Variants in CACNA1D observed in about 807,000 individuals in gnomAD.
CACNA1D encodes the protein voltage-dependent L-type calcium channel subunit alpha-1D.
A neutral mutation model predicts 257.1 loss-of-function variants in CACNA1D; 55 were observed. That is an observed-to-expected ratio of 0.21 (90% CI 0.17 to 0.27). The LOEUF is 0.27. CACNA1D is among the 10% of genes least tolerant of loss of function. The probability of loss-of-function intolerance (pLI) is 1.00; values close to 1 mark genes in which losing one functional copy is unlikely to be tolerated. For missense variants in CACNA1D, 1,876 were observed against 2,784.0 expected (o/e 0.67, Z 7.34); for synonymous variants, 980 against 1,014.9 (o/e 0.97, Z 0.65).
intron 3 of CACNA1D, among the ~76,000 whole-genome samples, chr3:53,552,882 C>T (rs764476090): frequency 2.0e-5 from 3 of 152,214 alleles, no homozygotes; most frequent in Non-Finnish European, 4.4e-5. Flanking sequence ...AGGTCAGGAA[C>T]TACATTTTAT....
intron 29 of CACNA1D, among the ~76,000 whole-genome samples, chr3:53,756,621 T>C (rs1021739512): frequency 1.3e-5 from 2 of 152,246 alleles, no homozygotes; most frequent in African/African-American, 2.4e-5. Context: ...TAGACCTCTG[T>C]AGGGTTTTCA....
intron 3 of CACNA1D, among the ~76,000 whole-genome samples, chr3:53,630,457 C>T (rs1201890236): frequency 2.6e-5 from 4 of 152,228 alleles, no homozygotes; most frequent in Non-Finnish European, 4.4e-5. Context: ...CTTTCTTTTG[C>T]ACTCGTATCT....
chr3:53,532,928 C>T (rs1004015400), intron 3 of CACNA1D, among the ~76,000 whole-genome samples: 2 of 152,180 alleles, frequency 1.3e-5, no homozygotes, highest in African/African-American at 4.8e-5. Context: ...CCTGACTGAA[C>T]ATGCCTAGGG....
chr3:53,568,364 A>G (rs940371554), intron 3 of CACNA1D, among the ~76,000 whole-genome samples: 2 of 152,162 alleles, frequency 1.3e-5, no homozygotes, highest in African/African-American at 4.8e-5. Flanking sequence ...GTGATTTCAT[A>G]TATTTTCCTC....
At chr3:53,722,289 G>T (rs770853476) in intron 11 of CACNA1D, 25 bp from the exon 12 acceptor site, 9 of 1,613,296 alleles carry the variant, frequency 5.6e-6, no homozygotes, top group Non-Finnish European at 7.6e-6. Context: ...TGTCATCTAC[G>T]TAGTAATGTT....
intron 8 of CACNA1D, among the ~76,000 whole-genome samples, chr3:53,697,283 T>TCC (rs1010254229): frequency 2.0e-5 from 3 of 152,312 alleles, no homozygotes; most frequent in Admixed American, 1.3e-4. Flanking sequence ...GGGCTTTCTG[T>TCC]CCTATAGGGA....
intron 3 of CACNA1D, among the ~76,000 whole-genome samples, chr3:53,508,778 A>C (rs151062572): frequency 1.1e-3 from 173 of 152,358 alleles, no homozygotes; most frequent in African/African-American, 4.1e-3. Flanking sequence ...CTTGGGTGTT[A>C]AATACCAGTG....
intron 3 of CACNA1D, among the ~76,000 whole-genome samples, chr3:53,538,956 A>G (rs971444665): frequency 3.3e-5 from 5 of 152,082 alleles, no homozygotes; most frequent in Non-Finnish European, 7.4e-5. Context: ...GTCTTCTCCC[A>G]CTTCCCTCAG....
intron 8 of CACNA1D, among the ~76,000 whole-genome samples, chr3:53,694,379 C>G (rs1386367421): frequency 1.3e-5 from 2 of 152,148 alleles, no homozygotes; most frequent in African/African-American, 4.8e-5. Flanking sequence ...AGTTGGGGCT[C>G]TTGGGGAAAA....
At position 53,719,873 on chromosome 3, in the gene CACNA1D, A is replaced by T. The variant is rs926539747; in HGVS notation, c.1505+92A>T. On this transcript the variant is annotated intron_variant, in intron 11 of 47. Transcript: ENST00000350061. ...TTTACGTAGTATTGCTCTGGACTTG[A>T]GTTTTCCTCTGTGGATTATAACATT... 4 of 1,157,854 alleles carry T rather than the reference A, an allele frequency of 3.5e-6. No homozygotes were observed. The African/African-American group carries it at 6.1e-5, about 18-fold the overall frequency. The allele number at this position is 1,157,854 out of a possible 1,614,324, so 71.7% of individuals were successfully genotyped here.
chr3:53,760,310 C>T (rs138881686), intron 29 of CACNA1D, among the ~76,000 whole-genome samples: 104 of 152,266 alleles, frequency 6.8e-4, no homozygotes, highest in African/African-American at 2.5e-3. Context: ...TCTATACTGT[C>T]GCAAAAGGCT....
At chr3:53,737,203 G>C (rs556881136) in intron 20 of CACNA1D, among the ~76,000 whole-genome samples, 2 of 152,180 alleles carry the variant, frequency 1.3e-5, no homozygotes, top group South Asian at 4.2e-4. Flanking sequence ...GGGAGGCTGA[G>C]GTATGAGCAG....
chr3:53,647,604 C>G (rs2094036241), intron 3 of CACNA1D, among the ~76,000 whole-genome samples: 1 of 152,232 alleles, frequency 6.6e-6, no homozygotes, highest in Non-Finnish European at 1.5e-5. Flanking sequence ...GCTTCCTTTT[C>G]AAATTGTTAA....
chr3:53,683,872 GATAA>G, intron 8 of CACNA1D, among the ~76,000 whole-genome samples: 1 of 152,254 alleles, frequency 6.6e-6, no homozygotes, highest in Middle Eastern at 3.4e-3. Flanking sequence ...AAAATTTTAA[GATAA>G]ATAAAGCTGA....
chr3:53,606,098 C>G (rs1054664159), intron 3 of CACNA1D, among the ~76,000 whole-genome samples: 17 of 152,214 alleles, frequency 1.1e-4, no homozygotes, highest in African/African-American at 4.1e-4. Flanking sequence ...TCAACTGTGT[C>G]AACAGACTGG....
At chr3:53,666,576 T>C (rs1002149380) in intron 7 of CACNA1D, 41 bp downstream of exon 7, 4 of 1,552,708 alleles carry the variant, frequency 2.6e-6, no homozygotes, top group Non-Finnish European at 3.6e-6. Context: ...TGTTCTTTGC[T>C]TGGATAAGTG....
At chr3:53,501,474 A>G (rs1002279925) in intron 2 of CACNA1D, 141 bp from the exon 3 acceptor site, 6 of 638,940 alleles carry the variant, frequency 9.4e-6, no homozygotes, top group Admixed American at 2.3e-5. Context: ...AAAACCTAGC[A>G]GTCACAGCAG....
intron 3 of CACNA1D, among the ~76,000 whole-genome samples, chr3:53,523,241 C>T (rs552890032): frequency 8.9e-4 from 135 of 152,206 alleles, no homozygotes; most frequent in Non-Finnish European, 1.6e-3. Context: ...TGGGTGTAGT[C>T]CTGCTGGGTG....
Position 53,495,080 on chromosome 3 carries a change from C to G in CACNA1D, c.-87C>G, listed in dbSNP as rs2090287983. 1.0e-6 allele frequency: 1 copy of G among 964,670 alleles called. No individual in the cohort carries two copies. Among genetic ancestry groups the G allele is most frequent in the Admixed American group, 1.8e-5 (1 of 54,612 alleles). The allele number at this position is 964,670 out of a possible 1,614,324, so 59.8% of individuals were successfully genotyped here. Reference sequence around the variant, plus strand: ...AGGGCAGGGACCGCGGCTCCTACCTCTTGGTGATCCCCTTCCCCATTCCGC... The same window carrying G: ...AGGGCAGGGACCGCGGCTCCTACCTGTTGGTGATCCCCTTCCCCATTCCGC... On this transcript the variant is annotated 5_prime_UTR_variant, in exon 1 of 48. Transcript: ENST00000350061. This position sits in a 1 kb window ranked among gnomAD's most constrained non-coding sequence, Gnocchi z 5.1.
Sources: allele counts gnomAD v4.1 joint callset (sites outside exome capture counted in the v4.1 genomes callset), GRCh38; gene constraint gnomAD v4.1.1; non-coding constraint Gnocchi (gnomAD v3.1); transcripts MANE v1.5; gene names NCBI Gene and HGNC (gene_info 2026-07-23, HGNC 2026-07-21).